The following TENM2 variants were observed in gnomAD, a reference collection of about 807,000 sequenced individuals.
TENM2 encodes teneurin-2.
In TENM2, 52 loss-of-function variants were observed where a neutral mutation model predicts 245.2. That is an observed-to-expected ratio of 0.21 (90% confidence interval 0.17 to 0.27). TENM2 has a LOEUF of 0.27. Ranked by LOEUF, TENM2 falls within the 10% of genes least tolerant of loss-of-function variation. The pLI is 1.00. For synonymous variants in TENM2, 1,363 were observed against 1,438.9 expected, an observed-to-expected ratio of 0.95 and a Z score of 1.19; for missense variants, 3,046 against 3,666.8, an observed-to-expected ratio of 0.83 and a Z score of 4.37.
intron 2 of TENM2, among the ~76,000 whole-genome samples, chr5:167,529,700 G>A (rs1318741167): frequency 6.6e-6 from 1 of 152,194 alleles, no homozygotes; most frequent in East Asian, 1.9e-4. Context: ...GTTAGCTTAT[G>A]AGGGCACAAA....
At chr5:167,654,833 T>C (rs568099255) in intron 2 of TENM2, among the ~76,000 whole-genome samples, 4 of 152,158 alleles carry the variant, frequency 2.6e-5, no homozygotes, top group Non-Finnish European at 5.9e-5. Context: ...GCCTGAATTA[T>C]ACAACTCATT....
At chr5:167,221,998 C>A in the TENM2 span, among the ~76,000 whole-genome samples, 1 of 152,074 alleles carries the variant, frequency 6.6e-6, no homozygotes, top group East Asian at 1.9e-4. Context: ...GAAAAATTTG[C>A]CGCATAGCTC....
At chr5:167,571,411 T>A (rs1774257388) in intron 2 of TENM2, among the ~76,000 whole-genome samples, 1 of 152,182 alleles carries the variant, frequency 6.6e-6, no homozygotes, top group Non-Finnish European at 1.5e-5. Flanking sequence ...AGCATATGAA[T>A]GTAAAGCTCT....
At chr5:167,608,801 TGATAGA>T (rs1238148100) in intron 2 of TENM2, among the ~76,000 whole-genome samples, 1 of 152,182 alleles carries the variant, frequency 6.6e-6, no homozygotes, top group Non-Finnish European at 1.5e-5. Context: ...TTTTGTGCTT[TGATAGA>T]GAGAGGTACT....
the TENM2 span, among the ~76,000 whole-genome samples, chr5:166,999,222 G>A: frequency 2.0e-5 from 3 of 152,080 alleles, no homozygotes; most frequent in East Asian, 1.9e-4. Flanking sequence ...AGTGAGATGC[G>A]GATGGATATG....
the TENM2 span, among the ~76,000 whole-genome samples, chr5:167,078,486 AC>A: frequency 0.6 from 87,402 of 146,088 alleles, 26,757 homozygotes; most frequent in African/African-American, 0.79. Context: ...TCTGTCTCAA[AC>A]AACAACAACA....
At chr5:167,625,525 T>C (rs1582579895) in intron 2 of TENM2, among the ~76,000 whole-genome samples, 1 of 152,320 alleles carries the variant, frequency 6.6e-6, no homozygotes, top group East Asian at 1.9e-4. Context: ...GTGTGATCAT[T>C]TTTTATGTGT....
At chr5:167,142,771 C>A in the TENM2 span, among the ~76,000 whole-genome samples, 2 of 152,136 alleles carry the variant, frequency 1.3e-5, no homozygotes, top group Non-Finnish European at 2.9e-5. Context: ...AGGTTGGTCT[C>A]AAACTCCTGA....
chr5:167,997,502 A>C (rs1265745172), intron 5 of TENM2, among the ~76,000 whole-genome samples: 1 of 152,164 alleles, frequency 6.6e-6, no homozygotes, highest in Non-Finnish European at 1.5e-5. Flanking sequence ...AGGTCAGCAA[A>C]CATTTTCTGC....
chr5:168,070,863 G>T (rs939944501), intron 7 of TENM2, among the ~76,000 whole-genome samples: 10 of 148,766 alleles, frequency 6.7e-5, no homozygotes, highest in Non-Finnish European at 1.3e-4. Flanking sequence ...AGGAAGGAAG[G>T]ACGGGAGGGA....
At chr5:167,669,415 T>G (rs546620548) in intron 2 of TENM2, among the ~76,000 whole-genome samples, 1 of 152,300 alleles carries the variant, frequency 6.6e-6, no homozygotes, top group Admixed American at 6.5e-5. Flanking sequence ...AAGCAGCATT[T>G]AAGAGGGAAA....
At chr5:168,240,921 ATGG>A (rs1766039065) in intron 25 of TENM2, 1 of 152,162 alleles carries the variant, frequency 6.6e-6, no homozygotes, top group Admixed American at 6.5e-5. Flanking sequence ...TTTAAGAATG[ATGG>A]TGGCCTTCCG....
At chr5:167,547,391 C>T (rs772771497) in intron 2 of TENM2, among the ~76,000 whole-genome samples, 3 of 152,172 alleles carry the variant, frequency 2.0e-5, no homozygotes, top group East Asian at 3.9e-4. Flanking sequence ...AATGTGAATA[C>T]AGGTATTTGC....
intron 2 of TENM2, among the ~76,000 whole-genome samples, chr5:167,541,272 C>T (rs1450105074): frequency 1.3e-5 from 2 of 152,144 alleles, no homozygotes; most frequent in South Asian, 2.1e-4. Context: ...CTGTTCATTC[C>T]AAATTCCTAT....
At chr5:168,127,122 T>C (rs1317193659) in intron 12 of TENM2, among the ~76,000 whole-genome samples, 156 bp downstream of exon 14, 1 of 152,144 alleles carries the variant, frequency 6.6e-6, no homozygotes, top group Non-Finnish European at 1.5e-5. Flanking sequence ...AGGTCCCTAA[T>C]TGGGAAGGGC....
chr5:167,870,569 A>ATATATGTGTG lies in TENM2; in HGVS notation c.503-5416_503-5415insATATGTGTGT, dbSNP rs372917707. Among the ~76,000 whole-genome samples the ATATATGTGTG allele has an allele frequency of 5.5e-4, 78 of 142,432 alleles. 1 individual carries two copies. The highest frequency in any genetic ancestry group is 9.7e-4 in the Non-Finnish European group (65 of 66,880). 93.4% of individuals were successfully genotyped at this position (142,432 alleles called of 152,430 possible). On this transcript the variant is annotated intron_variant, in intron 2 of 28. Transcript: ENST00000518659. ...AATGTGTATACATATATATATATATATGTGTGTGTATATATATATGTATAT... is the reference window on the plus strand; with the variant it reads ...AATGTGTATACATATATATATATATATATATGTGTGTGTGTGTGTATATATATATGTATAT...
intron 2 of TENM2, among the ~76,000 whole-genome samples, chr5:167,836,315 CA>C (rs1488345388): frequency 6.6e-6 from 1 of 152,096 alleles, no homozygotes; most frequent in Non-Finnish European, 1.5e-5. Flanking sequence ...TTGGAGTTAA[CA>C]AACAGTCCCA....
intron 13 of TENM2, among the ~76,000 whole-genome samples, chr5:168,163,738 A>G (rs940901574): frequency 1.3e-5 from 2 of 152,198 alleles, no homozygotes; most frequent in African/African-American, 4.8e-5. Context: ...CTAAATTACA[A>G]AGTTTTCCAG....
intron 9 of TENM2, among the ~76,000 whole-genome samples, chr5:168,110,011 T>C (rs1794549675): frequency 6.6e-6 from 1 of 151,704 alleles, no homozygotes; most frequent in African/African-American, 2.4e-5. Context: ...TCCCCCAAGT[T>C]AAATTGCTTC....
Sources: gnomAD v4.1 joint callset for allele counts (sites outside exome capture counted in the v4.1 genomes callset) on GRCh38, gnomAD v4.1.1 for gene constraint, MANE v1.5 for transcripts, NCBI Gene and HGNC (gene_info 2026-07-23, HGNC 2026-07-21) for gene names.